The following GUCY1A2 variants were observed in gnomAD, a reference collection of about 807,000 sequenced individuals.
GUCY1A2 encodes guanylate cyclase soluble subunit alpha-2.
A neutral mutation model predicts 63.5 loss-of-function variants in GUCY1A2; 27 were observed. That is an observed-to-expected ratio of 0.43 (90% CI 0.31 to 0.59). GUCY1A2 has a LOEUF of 0.59. Ranked by LOEUF, GUCY1A2 falls within the 20% of genes least tolerant of loss-of-function variation. The probability of loss-of-function intolerance (pLI) is 0.11; values close to 1 mark genes in which losing one functional copy is unlikely to be tolerated. For synonymous variants in GUCY1A2, 364 were observed against 343.5 expected (o/e 1.06, Z -0.66); for missense variants, 768 against 913.3 (o/e 0.84, Z 2.05).
chr11:107,007,913 T>C (rs367784450), intron 1 of GUCY1A2, among the ~76,000 whole-genome samples: 2 of 145,050 alleles, frequency 1.4e-5, no homozygotes, highest in Non-Finnish European at 2.9e-5. Context: ...CTTTAGGAGA[T>C]AATATAGACA....
chr11:106,855,897 A>T (rs1843985), intron 4 of GUCY1A2, among the ~76,000 whole-genome samples: 29 of 89,244 alleles, frequency 3.2e-4, no homozygotes, highest in Admixed American at 1.1e-3. Context: ...CTTGTATTTT[A>T]TTTATTTATT....
intron 3 of GUCY1A2, among the ~76,000 whole-genome samples, chr11:106,976,920 T>A (rs1861269978): frequency 7.6e-6 from 1 of 131,570 alleles, no homozygotes; most frequent in African/African-American, 2.9e-5. Context: ...GGGCCAACAG[T>A]GTCCCCTGAA....
intron 7 of GUCY1A2, among the ~76,000 whole-genome samples, chr11:106,692,399 G>A (rs1317833107): frequency 6.6e-6 from 1 of 152,016 alleles, no homozygotes; most frequent in Non-Finnish European, 1.5e-5. Flanking sequence ...TGCTGCTTTG[G>A]ATCAATGGAT....
At chr11:107,014,434 GA>G (rs1861792368) in intron 1 of GUCY1A2, among the ~76,000 whole-genome samples, 1 of 152,076 alleles carries the variant, frequency 6.6e-6, no homozygotes, top group Non-Finnish European at 1.5e-5. Flanking sequence ...CAAAGCCTGG[GA>G]AATCCCAGAT....
At chr11:106,998,659 A>G (rs1405632035) in intron 1 of GUCY1A2, among the ~76,000 whole-genome samples, 1 of 152,194 alleles carries the variant, frequency 6.6e-6, no homozygotes, top group Non-Finnish European at 1.5e-5. Context: ...ACCACAACAC[A>G]TATTAATCCA....
At chr11:106,824,002 T>G in intron 4 of GUCY1A2, 1 of 1,083,726 alleles carries the variant, frequency 9.2e-7, no homozygotes, top group Non-Finnish European at 1.3e-6. Context: ...TTTTATAAAT[T>G]TGTTTTCCGT....
rs560226071 is a variant in GUCY1A2 at position 106,724,646 on chromosome 11, CA to C, written c.1837-15981del. On this transcript the variant is annotated intron_variant, in intron 6 of 7. Coordinates refer to ENST00000526355, the MANE Select transcript of GUCY1A2 (RefSeq NM_000855.3). ...TTGGATTTAAGCCTATTTGAAAAAT[CA>C]GTGTTTCACTCCTGGTTATGCAATA... Among the ~76,000 whole-genome samples the C allele has an allele frequency of 3.3e-5, 5 of 152,302 alleles. No individual in the cohort carries two copies. The East Asian group carries it at 9.6e-4, about 29-fold the overall frequency.
intron 5 of GUCY1A2, among the ~76,000 whole-genome samples, chr11:106,804,919 CAT>C (rs540089374): frequency 9.6e-4 from 146 of 152,298 alleles, no homozygotes; most frequent in Middle Eastern, 3.4e-3. Flanking sequence ...TGGGCCCACT[CAT>C]ATTCCCTGTG....
At chr11:106,779,328 C>G (rs909549603) in intron 5 of GUCY1A2, among the ~76,000 whole-genome samples, 1 of 152,170 alleles carries the variant, frequency 6.6e-6, no homozygotes, top group African/African-American at 2.4e-5. Flanking sequence ...ATAATTCTCA[C>G]TGAGGAAGAC....
At position 106,987,523 on chromosome 11, in the gene GUCY1A2, A is replaced by C. The variant is rs183360436; in HGVS notation, c.304-1392T>G. ...AAAAATTAGGCGAGCATGGTGGTAC[A>C]TGCCTGTAGTCCCAGCTGCCTGGGA... is the stretch of plus-strand genomic sequence containing the variant. On this transcript the variant is annotated intron_variant, in intron 1 of 7. Transcript: ENST00000526355. 1.5e-3 allele frequency among the ~76,000 whole-genome samples: 234 copies of C among 152,154 alleles called. 1 individual carries two copies. Among genetic ancestry groups the C allele is most frequent in the Admixed American group, 4.5e-3 (68 of 15,272 alleles).
intron 1 of GUCY1A2, among the ~76,000 whole-genome samples, chr11:106,992,151 T>C (rs1392049589): frequency 6.6e-6 from 1 of 152,136 alleles, no homozygotes; most frequent in East Asian, 1.9e-4. Flanking sequence ...TTGAGCACTT[T>C]ACAGTTTGTA....
chr11:106,723,488 C>T (rs1470615888), intron 6 of GUCY1A2, among the ~76,000 whole-genome samples: 2 of 152,190 alleles, frequency 1.3e-5, no homozygotes, highest in Non-Finnish European at 2.9e-5. Flanking sequence ...ATATTCCAAG[C>T]ACCCACCAGA....
chr11:106,682,189 A>T lies in GUCY1A2; in HGVS notation c.*5360T>A, dbSNP rs1862443735. On this transcript the variant is annotated 3_prime_UTR_variant, in exon 8 of 8. Coordinates refer to ENST00000526355, the MANE Select transcript of GUCY1A2 (RefSeq NM_000855.3). ...AAAGAAGACCACAAATTGGAAATCAAAGCTAAAATTAAAATTTGTGAAAGA... is the reference window on the plus strand; with the variant it reads ...AAAGAAGACCACAAATTGGAAATCATAGCTAAAATTAAAATTTGTGAAAGA... 1 of 211,216 alleles carries T rather than the reference A, an allele frequency of 4.7e-6. No individual in the cohort carries two copies. Among genetic ancestry groups the T allele is most frequent in the Non-Finnish European group, 9.5e-6 (1 of 104,746 alleles). The allele number at this position is 211,216 out of a possible 1,614,324, so 13.1% of individuals were successfully genotyped here. A position where few individuals can be genotyped will look rare whatever the true frequency, so the allele number is the denominator to read the frequency against.
At chr11:106,751,999 C>T (rs978137925) in intron 6 of GUCY1A2, among the ~76,000 whole-genome samples, 4 of 152,152 alleles carry the variant, frequency 2.6e-5, no homozygotes, top group Admixed American at 2.6e-4. Context: ...GGAAAGTTCT[C>T]ACAGCCTAGT....
At chr11:106,838,611 C>A (rs1859149216) in intron 4 of GUCY1A2, among the ~76,000 whole-genome samples, 1 of 151,898 alleles carries the variant, frequency 6.6e-6, no homozygotes, top group African/African-American at 2.4e-5. Context: ...CCACATTTGG[C>A]AAGATCAGAG....
At chr11:106,744,352 T>C (rs923490841) in intron 6 of GUCY1A2, among the ~76,000 whole-genome samples, 3 of 150,900 alleles carry the variant, frequency 2.0e-5, no homozygotes, top group African/African-American at 7.3e-5. Flanking sequence ...GTTCATGCCA[T>C]TCTCCTGCCT....
At chr11:106,933,961 G>C (rs576776252) in intron 4 of GUCY1A2, among the ~76,000 whole-genome samples, 3 of 152,140 alleles carry the variant, frequency 2.0e-5, no homozygotes, top group Admixed American at 6.5e-5. Context: ...GATGGGAAAG[G>C]GGGGACAAGG....
intron 7 of GUCY1A2, among the ~76,000 whole-genome samples, chr11:106,707,240 AG>A (rs1471392265): frequency 2.0e-5 from 3 of 152,206 alleles, no homozygotes; most frequent in Non-Finnish European, 2.9e-5. Flanking sequence ...AGAATCTGGA[AG>A]TATCTGCTTT....
intron 4 of GUCY1A2, chr11:106,824,068 T>G (rs1858936064): frequency 1.1e-5 from 17 of 1,484,548 alleles, no homozygotes; most frequent in Non-Finnish European, 1.6e-5. Flanking sequence ...GACTACAGTT[T>G]TACAGCTTAT....
Sources: gnomAD v4.1 joint callset for allele counts (sites outside exome capture counted in the v4.1 genomes callset) on GRCh38, gnomAD v4.1.1 for gene constraint, MANE v1.5 for transcripts, NCBI Gene and HGNC (gene_info 2026-07-23, HGNC 2026-07-21) for gene names.